Variants in MCF2L observed in about 807,000 individuals in gnomAD.
MCF2L encodes guanine nucleotide exchange factor DBS.
MCF2L carries 97 observed loss-of-function variants against 153.4 expected under a neutral mutation model. The observed-to-expected ratio is 0.63, with a 90% CI of 0.54 to 0.75. The LOEUF (loss-of-function observed/expected upper bound fraction) is 0.75. MCF2L is among the 30% of genes least tolerant of loss of function. The pLI is 0.00. For missense variants in MCF2L, 1,347 were observed against 1,495.2 expected (o/e 0.90, Z 1.64); for synonymous variants, 659 against 632.2 (o/e 1.04, Z -0.64).
At chr13:113,047,161 G>A (rs2086868813) in intron 4 of MCF2L, 1 of 153,956 alleles carries the variant, frequency 6.5e-6, no homozygotes, top group African/African-American at 2.4e-5. Flanking sequence ...CCGTCACCAA[G>A]GGGATGGCGC....
At chr13:112,986,597 G>A (rs2140941764) in intron 1 of MCF2L, among the ~76,000 whole-genome samples, 1 of 152,332 alleles carries the variant, frequency 6.6e-6, no homozygotes, top group East Asian at 1.9e-4. Context: ...GCGGTCCCCT[G>A]GGCCCCCTGG....
intron 17 of MCF2L, 71 bp from the exon 18 acceptor site, chr13:113,083,927 T>G: frequency 9.0e-7 from 1 of 1,108,656 alleles, no homozygotes; most frequent in Non-Finnish European, 1.4e-6. Flanking sequence ...AAAAATGACG[T>G]CCATCCACTT....
intron 2 of MCF2L, among the ~76,000 whole-genome samples, chr13:112,906,424 C>T (rs2081173350): frequency 6.6e-6 from 1 of 152,244 alleles, no homozygotes; most frequent in Admixed American, 6.5e-5. Flanking sequence ...GGCGCTCACC[C>T]TCTGCAGGGC....
Position 113,035,706 on chromosome 13 carries a change from G to GA in MCF2L, c.279-9564dup, listed in dbSNP as rs907233489. 6.6e-6 allele frequency among the ~76,000 whole-genome samples: 1 copy of GA among 152,230 alleles called. No homozygotes were observed. The highest frequency in any genetic ancestry group is 6.5e-5 in the Admixed American group (1 of 15,284). On this transcript the variant is annotated intron_variant, in intron 3 of 29. Coordinates refer to ENST00000535094, the MANE Select transcript of MCF2L (RefSeq NM_001112732.3). This position sits in a 1 kb window ranked among gnomAD's most constrained non-coding sequence, Gnocchi z 4.4. ...GCCCTCCCCGCGAAGCTCCTTGGAG[G>GA]ATGGAGATTTTAAGGTCTTACTGTG...
chr13:112,911,168 C>G (rs1026944790), intron 2 of MCF2L, among the ~76,000 whole-genome samples: 3 of 152,220 alleles, frequency 2.0e-5, no homozygotes, highest in African/African-American at 7.2e-5. Context: ...AAGGCCCCCT[C>G]AGGAGCCTAA....
At chr13:113,021,296 G>T (rs1172422586) in intron 2 of MCF2L, among the ~76,000 whole-genome samples, 2 of 152,168 alleles carry the variant, frequency 1.3e-5, no homozygotes, top group Non-Finnish European at 2.9e-5. Flanking sequence ...GTGTAGCTGT[G>T]TGTGTATTAA....
Position 113,085,339 on chromosome 13 carries a change from T to C in MCF2L, c.2247+161T>C, listed in dbSNP as rs552856336. On this transcript the variant is annotated intron_variant, in intron 20 of 29. Transcript: ENST00000535094. ...TGGGATGCCTTTCGAGGTCCTACTGTGCGCCACTGTTAGGGGTCTGAGGAC... is the reference window on the plus strand; with the variant it reads ...TGGGATGCCTTTCGAGGTCCTACTGCGCGCCACTGTTAGGGGTCTGAGGAC... Among the ~76,000 whole-genome samples the C allele has an allele frequency of 4.5e-4, 68 of 152,272 alleles. 1 individual carries two copies. Among genetic ancestry groups the C allele is most frequent in the Non-Finnish European group, 1.5e-4 (10 of 68,018 alleles).
chr13:112,998,815 G>A (rs2083245203), intron 1 of MCF2L, among the ~76,000 whole-genome samples: 3 of 152,206 alleles, frequency 2.0e-5, no homozygotes, highest in Non-Finnish European at 4.4e-5. Context: ...AAACCAGCCT[G>A]AGGCCGTGCG....
At chr13:112,987,376 C>T (rs1354217544) in intron 1 of MCF2L, among the ~76,000 whole-genome samples, 1 of 152,206 alleles carries the variant, frequency 6.6e-6, no homozygotes, top group East Asian at 1.9e-4. Context: ...AGGTCAGCAC[C>T]AGCACCCATT....
At chr13:113,091,155 G>A (rs2035172967) in intron 26 of MCF2L, 1 of 1,301,106 alleles carries the variant, frequency 7.7e-7, no homozygotes, top group African/African-American at 1.6e-5. Flanking sequence ...AAGCCAAGCG[G>A]CATGAAGTAA....
At chr13:112,909,437 T>C in intron 2 of MCF2L, 1 of 688,312 alleles carries the variant, frequency 1.5e-6, no homozygotes, top group Non-Finnish European at 2.7e-6. Context: ...GGCCTGAGCA[T>C]TCACCCCAGC....
At chr13:112,992,408 G>A (rs1249886953) in intron 1 of MCF2L, among the ~76,000 whole-genome samples, 1 of 152,154 alleles carries the variant, frequency 6.6e-6, no homozygotes, top group Non-Finnish European at 1.5e-5. Context: ...AGGCCCAGTC[G>A]GAATGTGCCC....
At chr13:112,955,073 G>C (rs2081740837) in intron 2 of MCF2L, among the ~76,000 whole-genome samples, 1 of 152,220 alleles carries the variant, frequency 6.6e-6, no homozygotes, top group Non-Finnish European at 1.5e-5. Context: ...ACATGGCCGG[G>C]ACCCTGGTCC....
rs574653554 is a variant in MCF2L at position 113,082,312 on chromosome 13, G to A, written c.1876-115G>A. 2.3e-4 allele frequency: 155 copies of A among 669,668 alleles called. 1 individual carries two copies. The highest frequency in any genetic ancestry group is 2.2e-3 in the African/African-American group (123 of 56,000). The allele number at this position is 669,668 out of a possible 1,614,324, so 41.5% of individuals were successfully genotyped here. ...TGTCCCGGTAACTTAGAAATCACCCGAGAATAAAGATGAAGGGCTGGCCTG... is the reference window on the plus strand; with the variant it reads ...TGTCCCGGTAACTTAGAAATCACCCAAGAATAAAGATGAAGGGCTGGCCTG... On this transcript the variant is annotated intron_variant, in intron 16 of 29. Transcript: ENST00000535094.
chr13:113,033,639 C>T (rs1420646679), intron 3 of MCF2L, among the ~76,000 whole-genome samples: 1 of 152,156 alleles, frequency 6.6e-6, no homozygotes, highest in Admixed American at 6.5e-5. Flanking sequence ...GATTTCCCCC[C>T]CCCACCCCAA....
chr13:112,984,401 A>AT (rs1162395757), intron 1 of MCF2L, among the ~76,000 whole-genome samples: 1 of 151,844 alleles, frequency 6.6e-6, no homozygotes, highest in Non-Finnish European at 1.5e-5. Context: ...CACCTGGCTA[A>AT]TTTTTTTGGT....
chr13:112,897,550 T>C (rs1351588037), intron 1 of MCF2L, among the ~76,000 whole-genome samples: 1 of 152,068 alleles, frequency 6.6e-6, no homozygotes, highest in Non-Finnish European at 1.5e-5. Flanking sequence ...AGGATGTAAG[T>C]CCCTGTTGGG....
rs758428319 is a variant in MCF2L at position 113,087,470 on chromosome 13, G to A, written c.2595+14G>A. On this transcript the variant is annotated intron_variant, in intron 22 of 29. Transcript: ENST00000535094. ...CAGTCCTTAAACGTAAGTGAGGCCG[G>A]GTCTGCAGCAGCACGCTCCTGGCCA... 6.3e-7 allele frequency: 1 copy of A among 1,583,414 alleles called. No individual in the cohort carries two copies. The highest frequency in any genetic ancestry group is 8.6e-7 in the Non-Finnish European group (1 of 1,160,264).
intron 2 of MCF2L, among the ~76,000 whole-genome samples, chr13:112,911,172 A>G (rs2081227984): frequency 6.6e-6 from 1 of 152,278 alleles, no homozygotes; most frequent in African/African-American, 2.4e-5. Flanking sequence ...CCCCCTCAGG[A>G]GCCTAAGCCC....
Sources: allele counts gnomAD v4.1 joint callset (sites outside exome capture counted in the v4.1 genomes callset), GRCh38; gene constraint gnomAD v4.1.1; non-coding constraint Gnocchi (gnomAD v3.1); transcripts MANE v1.5; gene names NCBI Gene and HGNC (gene_info 2026-07-23, HGNC 2026-07-21).